Variants in ZNF407 observed in about 807,000 individuals in gnomAD.
ZNF407 encodes the protein zinc finger protein 407.
Under a neutral mutation model 131.2 loss-of-function variants are expected in ZNF407, and 17 were observed. That is an observed-to-expected ratio of 0.13 (90% CI 0.09 to 0.19). ZNF407 has a LOEUF of 0.19. Among genes scored for constraint, ZNF407 ranks in the 10% least tolerant of loss-of-function variants. ZNF407 has a pLI of 1.00. For synonymous variants in ZNF407, 1,156 were observed against 1,062.0 expected (o/e 1.09, Z -1.72); for missense variants, 2,681 against 2,830.6 (o/e 0.95, Z 1.20).
chr18:74,707,933 C>T (rs1354963331), intron 3 of ZNF407, among the ~76,000 whole-genome samples: 3 of 152,154 alleles, frequency 2.0e-5, no homozygotes, highest in African/African-American at 7.2e-5. Flanking sequence ...AGAAACAGTA[C>T]AAATTGATAT....
At chr18:74,690,794 A>G (rs1484872126) in intron 3 of ZNF407, among the ~76,000 whole-genome samples, 1 of 152,314 alleles carries the variant, frequency 6.6e-6, no homozygotes. Flanking sequence ...ATATTAGCCT[A>G]TTTTGATTTT....
chr18:74,818,781 A>C (rs376543125), intron 4 of ZNF407, among the ~76,000 whole-genome samples: 13,189 of 152,026 alleles, frequency 0.087, 646 homozygotes, highest in South Asian at 0.17. Context: ...CAATCCTGAT[A>C]AGTCATTATT....
chr18:74,957,033 C>T (rs1484818544), intron 8 of ZNF407, among the ~76,000 whole-genome samples: 1 of 152,142 alleles, frequency 6.6e-6, no homozygotes, highest in African/African-American at 2.4e-5. Flanking sequence ...CAGAATGTTG[C>T]TTTCTGAGTT....
intron 8 of ZNF407, among the ~76,000 whole-genome samples, chr18:74,934,389 T>C (rs1163041212): frequency 6.6e-6 from 1 of 152,228 alleles, no homozygotes; most frequent in Non-Finnish European, 1.5e-5. Context: ...TAAGTTAATA[T>C]GAATTATAAT....
At chr18:75,041,622 G>GCA (rs57989015) in intron 8 of ZNF407, among the ~76,000 whole-genome samples, 4,927 of 144,918 alleles carry the variant, frequency 0.034, 181 homozygotes, top group African/African-American at 0.099. Context: ...GCATGCACGT[G>GCA]CACACACACA....
At chr18:74,972,314 C>T (rs1436890547) in intron 8 of ZNF407, among the ~76,000 whole-genome samples, 1 of 152,208 alleles carries the variant, frequency 6.6e-6, no homozygotes, top group South Asian at 2.1e-4. Context: ...TTCCCAGCTT[C>T]CCACCAACAG....
At chr18:74,777,586 A>G (rs1969499483) in intron 3 of ZNF407, among the ~76,000 whole-genome samples, 1 of 152,046 alleles carries the variant, frequency 6.6e-6, no homozygotes, top group Non-Finnish European at 1.5e-5. Context: ...TCTCTTTCAG[A>G]CTCTATATCC....
chr18:74,963,716 ATATC>A (rs1972376344), intron 8 of ZNF407, among the ~76,000 whole-genome samples: 1 of 152,224 alleles, frequency 6.6e-6, no homozygotes, highest in African/African-American at 2.4e-5. Flanking sequence ...TTATAAAACA[ATATC>A]TATGTTACTT....
At chr18:74,623,448 CAG>C (rs1253691059) in intron 1 of ZNF407, among the ~76,000 whole-genome samples, 1 of 151,894 alleles carries the variant, frequency 6.6e-6, no homozygotes, top group Non-Finnish European at 1.5e-5. Context: ...GGGAGAAAGG[CAG>C]AGAGAGAAAT....
At chr18:74,726,967 G>A (rs1968172846) in intron 3 of ZNF407, among the ~76,000 whole-genome samples, 1 of 151,990 alleles carries the variant, frequency 6.6e-6, no homozygotes, top group Admixed American at 6.6e-5. Flanking sequence ...ACAAGTATAG[G>A]GCTTTTTTGC....
chr18:74,677,764 A>G (rs1256806216), intron 3 of ZNF407, among the ~76,000 whole-genome samples: 1 of 152,012 alleles, frequency 6.6e-6, no homozygotes, highest in African/African-American at 2.4e-5. Flanking sequence ...CTTTGGGTCC[A>G]TTTCTATTGC....
chr18:74,863,234 T>A (rs1244641540), intron 4 of ZNF407, among the ~76,000 whole-genome samples: 1 of 151,716 alleles, frequency 6.6e-6, no homozygotes, highest in Non-Finnish European at 1.5e-5. Flanking sequence ...TTGGGTTTTT[T>A]TTCTAGGTAT....
chr18:74,977,189 T>C (rs1972538017), intron 8 of ZNF407, among the ~76,000 whole-genome samples: 3 of 152,280 alleles, frequency 2.0e-5, no homozygotes, highest in Admixed American at 2.0e-4. Context: ...TATGACTGTT[T>C]ATGTTTCAAA....
intron 8 of ZNF407, among the ~76,000 whole-genome samples, chr18:74,946,474 T>C (rs1463430086): frequency 6.6e-6 from 1 of 152,252 alleles, no homozygotes; most frequent in Non-Finnish European, 1.5e-5. Flanking sequence ...TAAAATGTAC[T>C]TTATTTTGTA....
rs1454937069 is a variant in ZNF407, at chr18:74,703,586, G to A, written c.4802+62464G>A. Among the ~76,000 whole-genome samples, 1 of 152,058 alleles carries A rather than the reference G, an allele frequency of 6.6e-6. No homozygotes were observed. The highest frequency in any genetic ancestry group is 2.4e-5 in the African/African-American group (1 of 41,420). On this transcript the variant is annotated intron_variant, in intron 3 of 8. Coordinates refer to ENST00000299687, the MANE Select transcript of ZNF407 (RefSeq NM_017757.3). This position sits in a 1 kb window ranked among gnomAD's most constrained non-coding sequence, Gnocchi z 4.1. ...TCTCCAGGTTTATCAGGCTGGTCTC[G>A]AACTCCTGACCTCAGGTGATCTGCC... is the stretch of plus-strand genomic sequence containing the variant.
chr18:74,940,744 G>C (rs1972088308), intron 8 of ZNF407, among the ~76,000 whole-genome samples: 1 of 152,178 alleles, frequency 6.6e-6, no homozygotes, highest in African/African-American at 2.4e-5. Flanking sequence ...AAGCCTCTCT[G>C]CTCCTGTCTG....
At chr18:74,898,047 C>T (rs771781706) in intron 7 of ZNF407, 1 of 152,138 alleles carries the variant, frequency 6.6e-6, no homozygotes, top group Non-Finnish European at 1.5e-5. Context: ...GAAATATTGC[C>T]TGTCTGGAGC....
At chr18:74,911,659 C>G (rs1284130493) in intron 7 of ZNF407, among the ~76,000 whole-genome samples, 1 of 152,064 alleles carries the variant, frequency 6.6e-6, no homozygotes, top group Non-Finnish European at 1.5e-5. Flanking sequence ...TTTTAGCCTC[C>G]CCCTTCAGCT....
chr18:75,036,064 T>G (rs1973304871), intron 8 of ZNF407, among the ~76,000 whole-genome samples: 1 of 152,182 alleles, frequency 6.6e-6, no homozygotes, highest in African/African-American at 2.4e-5. Context: ...CTTTTTTTTC[T>G]CCCAAAGCAG....
Sources: gnomAD v4.1 joint callset for allele counts (sites outside exome capture counted in the v4.1 genomes callset) on GRCh38, gnomAD v4.1.1 for gene constraint, Gnocchi (gnomAD v3.1) non-coding constraint, MANE v1.5 for transcripts, NCBI Gene and HGNC (gene_info 2026-07-23, HGNC 2026-07-21) for gene names.